Variants in AFTPH observed in about 807,000 individuals in gnomAD.
The protein encoded by AFTPH is aftiphilin protein.
A neutral mutation model predicts 72.5 loss-of-function variants in AFTPH; 7 were observed. That is an observed-to-expected ratio of 0.10 (90% confidence interval 0.05 to 0.18). AFTPH has a LOEUF of 0.18. AFTPH is among the 10% of genes least tolerant of loss of function. The pLI, the probability that AFTPH is intolerant of heterozygous loss-of-function variation, is 1.00. For missense variants in AFTPH, 979 were observed against 1,060.5 expected, an observed-to-expected ratio of 0.92 and a Z score of 1.07; for synonymous variants, 337 against 370.1, an observed-to-expected ratio of 0.91 and a Z score of 1.03.
intron 1 of AFTPH, among the ~76,000 whole-genome samples, chr2:64,526,412 C>A (rs1030288887): frequency 1.3e-5 from 2 of 152,102 alleles, no homozygotes; most frequent in African/African-American, 2.4e-5. Context: ...CCCAACCCTT[C>A]CCCCAAATCT....
intron 1 of AFTPH, among the ~76,000 whole-genome samples, chr2:64,529,315 GTT>G (rs33964756): frequency 1.4e-5 from 2 of 145,996 alleles, no homozygotes; most frequent in African/African-American, 2.5e-5. Context: ...CCTTTTTGAA[GTT>G]TTTTTTTTTT....
chr2:64,569,430 G>T (rs760137744), intron 4 of AFTPH, among the ~76,000 whole-genome samples, 193 bp from the exon 5 acceptor site: 5 of 152,064 alleles, frequency 3.3e-5, no homozygotes, highest in African/African-American at 4.8e-5. Context: ...AATTGTTTTA[G>T]TAGTTTTTCT....
intron 7 of AFTPH, chr2:64,579,970 G>GATCCATGTTTA (rs1673076300): frequency 6.4e-6 from 1 of 155,704 alleles, no homozygotes; most frequent in African/African-American, 2.4e-5. Context: ...AGTGTGCATA[G>GATCCATGTTTA]ATCCATGTTT....
chr2:64,581,703 CT>C (rs773223245), intron 7 of AFTPH, among the ~76,000 whole-genome samples: 1 of 152,096 alleles, frequency 6.6e-6, no homozygotes, highest in African/African-American at 2.4e-5. Context: ...ATAATATAAC[CT>C]TTACAAATTC....
At chr2:64,561,680 A>G (rs1454337288) in intron 2 of AFTPH, among the ~76,000 whole-genome samples, 2 of 152,170 alleles carry the variant, frequency 1.3e-5, no homozygotes, top group African/African-American at 4.8e-5. Context: ...CCATCTCTTA[A>G]AAAGAAAAAA....
intron 6 of AFTPH, among the ~76,000 whole-genome samples, chr2:64,578,532 C>A (rs150824244): frequency 6.7e-6 from 1 of 150,242 alleles, no homozygotes; most frequent in Non-Finnish European, 1.5e-5. Context: ...TTGACAGTTA[C>A]GAAATTTAAA....
chr2:64,567,480 C>A, intron 2 of AFTPH, 82 bp from the exon 3 acceptor site: 1 of 1,420,350 alleles, frequency 7.0e-7, no homozygotes, highest in Non-Finnish European at 9.6e-7. Context: ...ACAGGGTGTG[C>A]GTGTGTTTGC....
rs987724760 is a variant in AFTPH at position 64,524,398 on chromosome 2, CG to C, written c.-245del. ...GAGGAGGTGGAGGAGGCGGCGGCGG[CG>C]GCGGAAGAGGGCGGAGGGTAGTGGG... On this transcript the variant is annotated 5_prime_UTR_variant, in exon 1 of 9. An upstream open reading frame in the 5' UTR gains an earlier in-frame stop. Transcript: ENST00000238856. 1 of 404,030 alleles carries C rather than the reference CG, an allele frequency of 2.5e-6. No homozygotes were observed. Among genetic ancestry groups the C allele is most frequent in the African/African-American group, 2.1e-5 (1 of 48,674 alleles). 25.0% of individuals were successfully genotyped at this position (404,030 alleles called of 1,614,324 possible). A position where few individuals can be genotyped will look rare whatever the true frequency, so the allele number is the denominator to read the frequency against.
chr2:64,526,192 G>C (rs1049802873), intron 1 of AFTPH, among the ~76,000 whole-genome samples: 2 of 152,256 alleles, frequency 1.3e-5, no homozygotes, highest in South Asian at 4.1e-4. Context: ...TCCAGTTTTC[G>C]TTATGAAAAT....
At chr2:64,531,883 A>T (rs555874542) in intron 1 of AFTPH, among the ~76,000 whole-genome samples, 2 of 152,192 alleles carry the variant, frequency 1.3e-5, no homozygotes, top group South Asian at 2.1e-4. Context: ...TCTAGAAATG[A>T]CACTTTTTAT....
intron 7 of AFTPH, among the ~76,000 whole-genome samples, chr2:64,582,707 C>T (rs1334770649): frequency 6.6e-6 from 1 of 152,160 alleles, no homozygotes; most frequent in East Asian, 1.9e-4. Flanking sequence ...TTTAAATTTG[C>T]TCTCAGCTTT....
chr2:64,581,608 A>G (rs530607172), intron 7 of AFTPH, among the ~76,000 whole-genome samples: 2 of 151,910 alleles, frequency 1.3e-5, no homozygotes, highest in South Asian at 2.1e-4. Context: ...AGCATATTCT[A>G]TAAAGCCATT....
rs576020652 is a variant in AFTPH at position 64,539,722 on chromosome 2, A to G, written c.-32-11721A>G. Among the ~76,000 whole-genome samples the G allele has an allele frequency of 1.8e-4, 27 of 152,328 alleles. No homozygotes were observed. In the South Asian group the frequency reaches 4.3e-3, roughly 25 times the overall value. On this transcript the variant is annotated intron_variant, in intron 1 of 8. Coordinates refer to ENST00000238856, the Ensembl canonical transcript of AFTPH. ...ATGCAATGGTAAACAACAGAGGTCT[A>G]TGCCTACACAACATTTACAGTCATT...
At chr2:64,570,755 G>T (rs1343133836) in intron 5 of AFTPH, among the ~76,000 whole-genome samples, 3 of 152,148 alleles carry the variant, frequency 2.0e-5, no homozygotes, top group Non-Finnish European at 4.4e-5. Flanking sequence ...CATATTAGGG[G>T]CAGTGACCTA....
chr2:64,544,686 G>C (rs926512678), intron 1 of AFTPH, among the ~76,000 whole-genome samples: 1 of 142,284 alleles, frequency 7.0e-6, no homozygotes, highest in African/African-American at 2.9e-5. Flanking sequence ...CATTATACAA[G>C]TAATACTTCA....
intron 1 of AFTPH, among the ~76,000 whole-genome samples, chr2:64,549,765 A>G (rs1267883029): frequency 6.7e-6 from 1 of 149,740 alleles, no homozygotes; most frequent in East Asian, 2.0e-4. Flanking sequence ...GATTAAGACC[A>G]TTGCTTGGCT....
intron 2 of AFTPH, among the ~76,000 whole-genome samples, chr2:64,565,969 T>G (rs1025414546): frequency 1.3e-5 from 2 of 152,206 alleles, no homozygotes; most frequent in Non-Finnish European, 2.9e-5. Context: ...ATTTCTTTCT[T>G]CCTGTGGTAA....
chr2:64,558,387 G>A (rs1284299881), intron 2 of AFTPH, among the ~76,000 whole-genome samples: 3 of 152,124 alleles, frequency 2.0e-5, no homozygotes, highest in Admixed American at 6.5e-5. Context: ...AGTTTCTATG[G>A]CATCTTTCTG....
chr2:64,574,717 A>G (rs1672659142), intron 6 of AFTPH, among the ~76,000 whole-genome samples: 2 of 152,256 alleles, frequency 1.3e-5, no homozygotes, highest in Admixed American at 1.3e-4. Flanking sequence ...TGATGTTTAC[A>G]ATGCCTGGCC....
Sources: gnomAD v4.1 joint callset for allele counts (sites outside exome capture counted in the v4.1 genomes callset) on GRCh38, gnomAD v4.1.1 for gene constraint, MANE v1.5 for transcripts, NCBI Gene and HGNC (gene_info 2026-07-23, HGNC 2026-07-21) for gene names.